THSD7B: variants seen among roughly 807,000 people sequenced by gnomAD.
THSD7B encodes the protein thrombospondin type-1 domain-containing protein 7B.
Under a neutral mutation model 213.6 loss-of-function variants are expected in THSD7B, and 138 were observed. That is an observed-to-expected ratio of 0.65 (90% CI 0.56 to 0.74). THSD7B has a LOEUF of 0.74. THSD7B is among the 30% of genes least tolerant of loss of function. The probability of loss-of-function intolerance (pLI) is 0.00; values close to 1 mark genes in which losing one functional copy is unlikely to be tolerated. For synonymous variants in THSD7B, 742 were observed against 687.0 expected (o/e 1.08, Z -1.25); for missense variants, 1,931 against 1,991.5 (o/e 0.97, Z 0.58).
intron 2 of THSD7B, among the ~76,000 whole-genome samples, chr2:136,890,384 TCTTCCTCTTCCTCTTCC>T (rs1683808401): frequency 4.3e-4 from 1 of 2,340 alleles, no homozygotes; most frequent in African/African-American, 1.2e-3. Flanking sequence ...TTCCTCTTCC[TCTTCCTCTTCCTCTTCC>T]TCTTCCTCTT....
chr2:137,221,116 G>A (rs570507330), intron 7 of THSD7B, among the ~76,000 whole-genome samples: 4 of 152,128 alleles, frequency 2.6e-5, no homozygotes, highest in East Asian at 1.9e-4. Context: ...GTGAAACCCC[G>A]TCTCTCTTAA....
intron 1 of THSD7B, among the ~76,000 whole-genome samples, chr2:136,779,397 A>G (rs796824655): frequency 6.6e-6 from 1 of 152,156 alleles, no homozygotes; most frequent in African/African-American, 2.4e-5. Context: ...ATTAGTGTAA[A>G]TATTGTTATA....
At chr2:136,802,572 T>C (rs555247823) in intron 1 of THSD7B, among the ~76,000 whole-genome samples, 1 of 147,624 alleles carries the variant, frequency 6.8e-6, no homozygotes, top group African/African-American at 2.5e-5. Flanking sequence ...GGTGTTATGG[T>C]CCTTCAGGTA....
chr2:137,319,853 A>G (rs756414880), intron 12 of THSD7B, among the ~76,000 whole-genome samples: 1 of 152,110 alleles, frequency 6.6e-6, no homozygotes, highest in Non-Finnish European at 1.5e-5. Flanking sequence ...AATGAGTTAT[A>G]AGCATAGAAT....
At chr2:137,017,612 A>G (rs113396442) in intron 2 of THSD7B, among the ~76,000 whole-genome samples, 2 of 152,266 alleles carry the variant, frequency 1.3e-5, no homozygotes, top group Non-Finnish European at 2.9e-5. Flanking sequence ...AGCCAAACTG[A>G]GAATGTTACT....
chr2:137,010,451 C>T lies in THSD7B; in HGVS notation c.140-45969C>T, dbSNP rs372279190. 1.1e-4 allele frequency among the ~76,000 whole-genome samples: 17 copies of T among 152,124 alleles called. No individual in the cohort carries two copies. The East Asian group carries it at 1.9e-3, about 17-fold the overall frequency. On this transcript the variant is annotated intron_variant, in intron 2 of 27. Coordinates refer to ENST00000409968, the MANE Select transcript of THSD7B (RefSeq NM_001316349.2). ...TAACAGTAATGTCTACCTCCCCTGA[C>T]ACGGTTATGGGTCTCTGCTATGTTC...
In THSD7B at chr2:137,030,107, G is replaced by A. The variant is rs542860173; in HGVS notation, c.140-26313G>A. Among the ~76,000 whole-genome samples, 15 of 152,122 alleles carry A rather than the reference G, an allele frequency of 9.9e-5. No homozygotes were observed. The East Asian group carries it at 1.6e-3, about 16-fold the overall frequency. On this transcript the variant is annotated intron_variant, in intron 2 of 27. Coordinates refer to ENST00000409968, the MANE Select transcript of THSD7B (RefSeq NM_001316349.2). ...GTGTGGGTTTTGCATGTGTGGGTGC[G>A]TGCATGAGTGCATGAGTGTATGTAG...
chr2:137,147,094 C>T (rs1679718635), intron 5 of THSD7B, among the ~76,000 whole-genome samples: 1 of 152,108 alleles, frequency 6.6e-6, no homozygotes, highest in Non-Finnish European at 1.5e-5. Context: ...GACCCAGTGC[C>T]TCTGACTTGG....
rs550843847 is a variant in THSD7B, at chr2:137,074,042, T to C, written c.950+16812T>C. On this transcript the variant is annotated intron_variant, in intron 3 of 27. Coordinates refer to ENST00000409968, the MANE Select transcript of THSD7B (RefSeq NM_001316349.2). ...TTTTGGAGTAGGTGTAGTGTGGTGC[T>C]GAAAAGAATGTACATTCTGTTGATT... is the stretch of plus-strand genomic sequence containing the variant. Among the ~76,000 whole-genome samples, 128 of 152,182 alleles carry C rather than the reference T, an allele frequency of 8.4e-4. 1 individual carries two copies. Among genetic ancestry groups the C allele is most frequent in the African/African-American group, 2.7e-3 (111 of 41,442 alleles).
chr2:137,020,011 A>C (rs1476620109), intron 2 of THSD7B, among the ~76,000 whole-genome samples: 1 of 152,204 alleles, frequency 6.6e-6, no homozygotes, highest in African/African-American at 2.4e-5. Context: ...GGATTAAGTT[A>C]GGGATCATGA....
chr2:137,390,250 A>G (rs567699304), intron 12 of THSD7B, among the ~76,000 whole-genome samples: 1 of 152,116 alleles, frequency 6.6e-6, no homozygotes, highest in Non-Finnish European at 1.5e-5. Flanking sequence ...TTTCTTATAG[A>G]GTTAGTTCAC....
intron 15 of THSD7B, among the ~76,000 whole-genome samples, chr2:137,485,448 G>C (rs563787606): frequency 9.9e-5 from 15 of 152,242 alleles, no homozygotes; most frequent in African/African-American, 2.9e-4. Context: ...TTTGAAGTCA[G>C]GTATCATGAT....
At chr2:137,293,019 C>T (rs1683373449) in intron 12 of THSD7B, among the ~76,000 whole-genome samples, 2 of 152,128 alleles carry the variant, frequency 1.3e-5, no homozygotes, top group Admixed American at 1.3e-4. Flanking sequence ...CATGATTTCC[C>T]AGCCATTGCT....
At chr2:137,270,588 A>G (rs1682709104) in intron 10 of THSD7B, among the ~76,000 whole-genome samples, 1 of 152,182 alleles carries the variant, frequency 6.6e-6, no homozygotes, top group African/African-American at 2.4e-5. Context: ...AATGGGTAAG[A>G]CCAAAAAGTA....
intron 2 of THSD7B, among the ~76,000 whole-genome samples, chr2:136,898,164 T>C (rs1023568424): frequency 3.3e-5 from 5 of 152,356 alleles, no homozygotes; most frequent in Non-Finnish European, 5.9e-5. Flanking sequence ...TCATTAACAA[T>C]ATTGAGTCTT....
At chr2:136,789,950 C>A (rs1681932578) in intron 1 of THSD7B, among the ~76,000 whole-genome samples, 2 of 152,098 alleles carry the variant, frequency 1.3e-5, no homozygotes, top group Admixed American at 1.3e-4. Flanking sequence ...ATGGAGCCCT[C>A]TGTAGACAGA....
intron 5 of THSD7B, among the ~76,000 whole-genome samples, chr2:137,130,320 T>G (rs1688705939): frequency 6.6e-6 from 1 of 152,168 alleles, no homozygotes; most frequent in Admixed American, 6.6e-5. Flanking sequence ...CTGTGCTACA[T>G]TATCGTTTCC....
chr2:137,234,734 T>A (rs1681726641), intron 9 of THSD7B, among the ~76,000 whole-genome samples: 1 of 152,090 alleles, frequency 6.6e-6, no homozygotes. Flanking sequence ...TGTAGAGGAG[T>A]GATCGGTTTG....
chr2:136,946,278 G>A lies in THSD7B; in HGVS notation c.139+63961G>A, dbSNP rs185364496. On this transcript the variant is annotated intron_variant, in intron 2 of 27. Transcript: ENST00000409968. ...TCCACTCCAGACCCTGTTTGCCTGG[G>A]TATCACCAGTGGAGGCTGCAGAACT... Among the ~76,000 whole-genome samples the A allele has an allele frequency of 2.6e-5, 4 of 152,252 alleles. 1 individual carries two copies. In the East Asian group the frequency reaches 7.8e-4, roughly 30 times the overall value.
Sources: gnomAD v4.1 joint callset for allele counts (sites outside exome capture counted in the v4.1 genomes callset) on GRCh38, gnomAD v4.1.1 for gene constraint, MANE v1.5 for transcripts, NCBI Gene and HGNC (gene_info 2026-07-23, HGNC 2026-07-21) for gene names.